DCAF6: variants seen among roughly 807,000 people sequenced by gnomAD.
DCAF6 encodes the protein DDB1- and CUL4-associated factor 6.
In DCAF6, 54 loss-of-function variants were observed where a neutral mutation model predicts 125.1. That is an observed-to-expected ratio of 0.43 (90% CI 0.35 to 0.54). The LOEUF is 0.54. Among genes scored for constraint, DCAF6 ranks in the 20% least tolerant of loss-of-function variants. The pLI is 0.01. For synonymous variants in DCAF6, 371 were observed against 390.4 expected (o/e 0.95, Z 0.58); for missense variants, 934 against 1,161.7 (o/e 0.80, Z 2.85).
At chr1:167,962,563 A>G (rs1277786902) in intron 2 of DCAF6, among the ~76,000 whole-genome samples, 2 of 152,300 alleles carry the variant, frequency 1.3e-5, no homozygotes, top group African/African-American at 2.4e-5. Context: ...TTCTCAATCC[A>G]TTTACTTTTA....
intron 13 of DCAF6, among the ~76,000 whole-genome samples, chr1:168,039,351 A>G (rs1688210882): frequency 6.6e-6 from 1 of 151,586 alleles, no homozygotes; most frequent in African/African-American, 2.4e-5. Context: ...ATTGATTATT[A>G]GTAAGGTTGA....
intron 4 of DCAF6, among the ~76,000 whole-genome samples, chr1:167,985,226 G>T (rs1475754450): frequency 6.6e-6 from 1 of 151,024 alleles, no homozygotes. Flanking sequence ...GTGTGTGTGT[G>T]GTGTGTGTGT....
chr1:168,073,735 A>C (rs1214810368), intron 21 of DCAF6, among the ~76,000 whole-genome samples: 1 of 152,022 alleles, frequency 6.6e-6, no homozygotes, highest in African/African-American at 2.4e-5. Context: ...GAATATATTC[A>C]GTCATACTCA....
At chr1:168,071,780 C>T (rs1693070696) in intron 21 of DCAF6, among the ~76,000 whole-genome samples, 1 of 152,218 alleles carries the variant, frequency 6.6e-6, no homozygotes. Flanking sequence ...AGACTTCTTA[C>T]TCTGGCCTTC....
At chr1:168,022,670 G>GTA (rs58954501) in intron 11 of DCAF6, among the ~76,000 whole-genome samples, 17,408 of 152,076 alleles carry the variant, frequency 0.11, 2,688 homozygotes, top group African/African-American at 0.35. Context: ...AAGGAGTCTT[G>GTA]TGTAGTGAAC....
chr1:168,068,512 T>C (rs1171553844), intron 21 of DCAF6, 49 bp downstream of exon 21: 2 of 957,442 alleles, frequency 2.1e-6, no homozygotes, highest in African/African-American at 3.5e-5. Context: ...TTTGAAAATA[T>C]ATTATTATTT....
chr1:168,032,209 G>A (rs941220759), intron 12 of DCAF6, among the ~76,000 whole-genome samples: 40 of 152,188 alleles, frequency 2.6e-4, no homozygotes, highest in African/African-American at 9.7e-4. Flanking sequence ...GTTTTGGCTT[G>A]CATAGTATCA....
intron 11 of DCAF6, 95 bp from the exon 12 acceptor site, chr1:168,022,892 CT>C: frequency 9.0e-7 from 1 of 1,113,668 alleles, no homozygotes; most frequent in Non-Finnish European, 1.3e-6. Flanking sequence ...ATTCCGCAGC[CT>C]TATACATTTG....
At chr1:167,918,672 C>T in the DCAF6 span, among the ~76,000 whole-genome samples, 3 of 149,488 alleles carry the variant, frequency 2.0e-5, no homozygotes, top group East Asian at 5.9e-4. Flanking sequence ...CGGCTCGCTG[C>T]AAGCTCTGCC....
In DCAF6 at chr1:168,065,640, C is replaced by T; in HGVS notation, c.2490C>T (p.Asp830=). Residue 830 remains aspartate, a synonymous_variant, in exon 19 of 22, where the codon GAC becomes GAT. Coordinates refer to ENST00000367840, the MANE Select transcript of DCAF6 (RefSeq NM_001198956.2). ...WGANFVMSGS[D]CGHIFIWDRH... ...CTAACTTTGTAATGAGTGGTTCTGACTGTGGCCACATTTTCATCTGGGATC... is the reference window on the plus strand; with the variant it reads ...CTAACTTTGTAATGAGTGGTTCTGATTGTGGCCACATTTTCATCTGGGATC... 1.9e-6 allele frequency: 3 copies of T among 1,612,956 alleles called. No homozygotes were observed. The highest frequency in any genetic ancestry group is 3.3e-5 in the Admixed American group (2 of 59,976).
chr1:167,961,037 C>T (rs1458172790), intron 2 of DCAF6, among the ~76,000 whole-genome samples: 2 of 151,982 alleles, frequency 1.3e-5, no homozygotes, highest in East Asian at 3.9e-4. Context: ...TATAATTTTC[C>T]TCATAGAAAT....
chr1:167,968,124 A>G (rs1676713268), intron 3 of DCAF6, among the ~76,000 whole-genome samples: 1 of 152,182 alleles, frequency 6.6e-6, no homozygotes, highest in Non-Finnish European at 1.5e-5. Context: ...TGGTAGTAGC[A>G]ACCGTGTATT....
In DCAF6 at chr1:167,987,476, CT is replaced by C; in HGVS notation, c.439-15del. The C allele has an allele frequency of 8.1e-7, 1 of 1,236,880 alleles. No individual in the cohort carries two copies. The highest frequency in any genetic ancestry group is 1.2e-6 in the Non-Finnish European group (1 of 845,930). 76.6% of individuals were successfully genotyped at this position (1,236,880 alleles called of 1,614,324 possible). Reference sequence around the variant, plus strand: ...TTAAATGTTCGTATGATTATCTGCACTTTTCTTTTCATCTTCAGATTATGAC... The same window carrying C: ...TTAAATGTTCGTATGATTATCTGCACTTTCTTTTCATCTTCAGATTATGAC... On this transcript the variant is annotated intron_variant, in intron 4 of 21. Transcript: ENST00000367840.
At chr1:167,900,582 G>A in the DCAF6 span, among the ~76,000 whole-genome samples, 11 of 152,034 alleles carry the variant, frequency 7.2e-5, no homozygotes, top group African/African-American at 2.7e-4. Flanking sequence ...GCCCAGGCTG[G>A]AGTGCAATGG....
the DCAF6 span, among the ~76,000 whole-genome samples, chr1:167,887,659 A>C: frequency 2.0e-5 from 3 of 152,152 alleles, no homozygotes; most frequent in African/African-American, 7.2e-5. Flanking sequence ...ACAAACCTGC[A>C]CATTGTGCAC....
chr1:167,883,867 AAC>A, the DCAF6 span, among the ~76,000 whole-genome samples: 2 of 152,180 alleles, frequency 1.3e-5, no homozygotes, highest in Non-Finnish European at 2.9e-5. Context: ...CCATTACCCC[AAC>A]TGCTGGCTTC....
chr1:167,952,349 C>T (rs1674091503), intron 2 of DCAF6, among the ~76,000 whole-genome samples: 1 of 152,096 alleles, frequency 6.6e-6, no homozygotes, highest in East Asian at 1.9e-4. Context: ...TCCTGGGTAG[C>T]TGGGACTACA....
intron 12 of DCAF6, among the ~76,000 whole-genome samples, chr1:168,026,812 A>G (rs902488045): frequency 7.2e-5 from 11 of 152,086 alleles, no homozygotes; most frequent in Non-Finnish European, 1.6e-4. Flanking sequence ...CACCAAAGTG[A>G]TCTGAGGTAG....
At chr1:167,924,333 G>T in the DCAF6 span, 1 of 506,648 alleles carries the variant, frequency 2.0e-6, no homozygotes, top group Non-Finnish European at 3.4e-6. Context: ...GTAGATAGTT[G>T]CTTTATGTAG....
Sources: allele counts gnomAD v4.1 joint callset (sites outside exome capture counted in the v4.1 genomes callset), GRCh38; gene constraint gnomAD v4.1.1; transcripts MANE v1.5; gene names NCBI Gene and HGNC (gene_info 2026-07-23, HGNC 2026-07-21).